ZNF282: variants seen among roughly 807,000 people sequenced by gnomAD.
The protein encoded by ZNF282 is HTLV-I U5 repressive element-binding protein 1.
ZNF282 carries 30 observed loss-of-function variants against 61.9 expected under a neutral mutation model. The observed-to-expected ratio is 0.48, with a 90% confidence interval of 0.36 to 0.66. The LOEUF is 0.66. Among genes scored for constraint, ZNF282 ranks in the 30% least tolerant of loss-of-function variants. ZNF282 has a pLI of 0.00. For missense variants in ZNF282, 788 were observed against 941.4 expected, an observed-to-expected ratio of 0.84 and a Z score of 2.13; for synonymous variants, 396 against 405.0, an observed-to-expected ratio of 0.98 and a Z score of 0.27.
At chr7:149,196,577 C>T (rs1795820963) in intron 1 of ZNF282, among the ~76,000 whole-genome samples, 1 of 152,138 alleles carries the variant, frequency 6.6e-6, no homozygotes, top group African/African-American at 2.4e-5. Flanking sequence ...CTCAGGGGCC[C>T]CTCTGCTCAC....
chr7:149,201,725 C>T (rs1339964152), intron 2 of ZNF282, among the ~76,000 whole-genome samples: 2 of 152,074 alleles, frequency 1.3e-5, no homozygotes, highest in African/African-American at 2.4e-5. Context: ...GCACTCCAGC[C>T]TGGGTGACAG....
chr7:149,202,797 G>A lies in ZNF282; in HGVS notation c.586-3899G>A, dbSNP rs60228721. Among the ~76,000 whole-genome samples, 1,506 of 152,190 alleles carry A rather than the reference G, an allele frequency of 9.9e-3. 25 individuals carry two copies. Among genetic ancestry groups the A allele is most frequent in the African/African-American group, 0.035 (1,442 of 41,522 alleles). On this transcript the variant is annotated intron_variant, in intron 2 of 7. Coordinates refer to ENST00000610704, the MANE Select transcript of ZNF282 (RefSeq NM_003575.4). Reference sequence around the variant, plus strand: ...TTGTATTGCTTTTTTTGTCTTCTTGGTTGGTTTTCCCCAACCAGAGTGTAA... The same window carrying A: ...TTGTATTGCTTTTTTTGTCTTCTTGATTGGTTTTCCCCAACCAGAGTGTAA...
intron 7 of ZNF282, among the ~76,000 whole-genome samples, chr7:149,216,708 A>G (rs1395725912): frequency 6.6e-6 from 1 of 152,120 alleles, no homozygotes; most frequent in Non-Finnish European, 1.5e-5. Context: ...TGGAGGGGAG[A>G]AGAGTCAGGG....
chr7:149,222,705 T>C (rs903373059), intron 7 of ZNF282, among the ~76,000 whole-genome samples: 1 of 152,204 alleles, frequency 6.6e-6, no homozygotes, highest in Admixed American at 6.5e-5. Context: ...TGGAGTGCAG[T>C]GGCAGGATCT....
In ZNF282 at chr7:149,213,810, C is replaced by T; in HGVS notation, c.1176C>T (p.Gly392=). The T allele has an allele frequency of 6.2e-7, 1 of 1,612,218 alleles. No homozygotes were observed. Among genetic ancestry groups the T allele is most frequent in the South Asian group, 1.1e-5 (1 of 90,976 alleles). Residue 392 remains glycine (G), a synonymous_variant, in exon 7 of 8, where the codon GGC becomes GGT. Transcript: ENST00000610704. ...ACGGAGAGCTTGGATTAGACTCTGG[C>T]CCTAGTGAGTAACGTCCCCACCTAG... ...SMDGELGLDS[G]PSDSLLMVKN...
chr7:149,207,556 A>G (rs570850447), intron 4 of ZNF282, 86 bp downstream of exon 4: 1 of 1,522,810 alleles, frequency 6.6e-7, no homozygotes, highest in South Asian at 1.3e-5. Context: ...GCGAGGCGCC[A>G]CTGTGTGTGC....
intron 2 of ZNF282, among the ~76,000 whole-genome samples, chr7:149,200,726 G>A (rs969031369): frequency 6.6e-6 from 1 of 152,040 alleles, no homozygotes; most frequent in African/African-American, 2.4e-5. Flanking sequence ...TGCCCTAGTA[G>A]GTGGGATTAC....
intron 3 of ZNF282, among the ~76,000 whole-genome samples, 170 bp from the exon 4 acceptor site, chr7:149,207,181 G>C (rs761234941): frequency 7.0e-4 from 106 of 152,128 alleles, no homozygotes; most frequent in Non-Finnish European, 1.1e-3. Context: ...TAGAAATTTG[G>C]GCATCTATCG....
In ZNF282 at chr7:149,198,188, G is replaced by A; in HGVS notation, c.166-145G>A. On this transcript the variant is annotated intron_variant, in intron 1 of 7. Transcript: ENST00000610704. The surrounding 1 kb of genome is among the most constrained non-coding windows in gnomAD (Gnocchi z 4.3). Reference sequence around the variant, plus strand: ...TGGGTGAGTGGGTAGCTGTTGCTGGGGGTGTTAGTGTATCCTGAGTTACGG... The same window carrying A: ...TGGGTGAGTGGGTAGCTGTTGCTGGAGGTGTTAGTGTATCCTGAGTTACGG... 1 of 887,964 alleles carries A rather than the reference G, an allele frequency of 1.1e-6. No homozygotes were observed. The allele number at this position is 887,964 out of a possible 1,614,324, so 55.0% of individuals were successfully genotyped here.
Position 149,223,738 on chromosome 7 carries a change from G to A in ZNF282, c.1181-74G>A, listed in dbSNP as rs111843065. On this transcript the variant is annotated intron_variant, in intron 7 of 7. Coordinates refer to ENST00000610704, the MANE Select transcript of ZNF282 (RefSeq NM_003575.4). ...GAGGCTCAGATAGCATGCTCCCTGG[G>A]CCCCCCTTCGGGAGCAGTGTGGGGT... is the stretch of plus-strand genomic sequence containing the variant. 114 of 1,374,390 alleles carry A rather than the reference G, an allele frequency of 8.3e-5. No homozygotes were observed. In the African/African-American group the frequency reaches 1.5e-3, roughly 18 times the overall value. The allele number at this position is 1,374,390 out of a possible 1,614,324, so 85.1% of individuals were successfully genotyped here.
At chr7:149,199,977 A>G (rs1016287151) in intron 2 of ZNF282, among the ~76,000 whole-genome samples, 8 of 152,116 alleles carry the variant, frequency 5.3e-5, no homozygotes, top group Non-Finnish European at 8.8e-5. Flanking sequence ...CAGTGATTAG[A>G]TTTTCAGTTG....
At chr7:149,212,938 A>G (rs1296839320) in intron 6 of ZNF282, among the ~76,000 whole-genome samples, 2 of 152,224 alleles carry the variant, frequency 1.3e-5, no homozygotes, top group Non-Finnish European at 1.5e-5. Context: ...AAAGCTGCAT[A>G]TATTTCTGTG....
chr7:149,210,926 C>T (rs1477610761), intron 5 of ZNF282, among the ~76,000 whole-genome samples: 2 of 152,206 alleles, frequency 1.3e-5, no homozygotes, highest in African/African-American at 4.8e-5. Context: ...CTGGGCTCAG[C>T]GTGTTCTGTT....
intron 2 of ZNF282, among the ~76,000 whole-genome samples, chr7:149,205,294 C>T (rs1044757471): frequency 2.6e-5 from 4 of 151,750 alleles, no homozygotes; most frequent in South Asian, 2.1e-4. Context: ...AAAAATTAGC[C>T]GGGCGTGGTG....
intron 2 of ZNF282, among the ~76,000 whole-genome samples, chr7:149,206,141 C>T (rs762647542): frequency 7.2e-5 from 11 of 152,268 alleles, no homozygotes; most frequent in East Asian, 5.8e-4. Flanking sequence ...GCACTCGCTG[C>T]GCAGCACACT....
intron 3 of ZNF282, 113 bp from the exon 4 acceptor site, chr7:149,207,238 A>T (rs1563176913): frequency 7.3e-7 from 1 of 1,376,712 alleles, no homozygotes; most frequent in East Asian, 2.5e-5. Flanking sequence ...GCTGCCAAAG[A>T]GGGACACCCA....
chr7:149,198,834 T>G lies in ZNF282; in HGVS notation c.585+82T>G. 3 of 1,505,196 alleles carry G rather than the reference T, an allele frequency of 2.0e-6. No individual in the cohort carries two copies. The highest frequency in any genetic ancestry group is 2.7e-6 in the Non-Finnish European group (3 of 1,130,834). 93.2% of individuals were successfully genotyped at this position (1,505,196 alleles called of 1,614,324 possible). A position where few individuals can be genotyped will look rare whatever the true frequency, so the allele number is the denominator to read the frequency against. ...ATTCTTGATTTCATTTTGTCAGCCCTTCTCATAAACTTCTCTGGCTCCCCG... is the reference window on the plus strand; with the variant it reads ...ATTCTTGATTTCATTTTGTCAGCCCGTCTCATAAACTTCTCTGGCTCCCCG... On this transcript the variant is annotated intron_variant, in intron 2 of 7. Coordinates refer to ENST00000610704, the MANE Select transcript of ZNF282 (RefSeq NM_003575.4). This position sits in a 1 kb window ranked among gnomAD's most constrained non-coding sequence, Gnocchi z 4.3.
At chr7:149,195,872 GC>G in intron 1 of ZNF282, 118 bp downstream of exon 1, 1 of 962,088 alleles carries the variant, frequency 1.0e-6, no homozygotes, top group Non-Finnish European at 1.3e-6. Flanking sequence ...CAGCTTCCGC[GC>G]CCAGGCGAGG....
rs1467777606 is a variant in ZNF282 at position 149,224,183 on chromosome 7, T to C, written c.1552T>C (p.Tyr518His). The change falls in exon 8 of 8, where the codon TAC becomes CAC. Residue 518 changes from tyrosine to histidine, a missense_variant. By Grantham distance (83) the Tyr-to-His change is moderately conservative. Around this residue, in one of 3 missense-constraint regions of ZNF282, gnomAD observed 559 missense variants for 642.0 expected, o/e 0.87. Transcript: ENST00000610704. ...LLLHGARSKP[Y>H]SCPECGKSFG... ...CCTGCACGGCGCCCGCAGCAAGCCCTACTCGTGCCCCGAGTGCGGCAAGAG... is the reference window on the plus strand; with the variant it reads ...CCTGCACGGCGCCCGCAGCAAGCCCCACTCGTGCCCCGAGTGCGGCAAGAG... The C allele has an allele frequency of 1.2e-6, 2 of 1,602,170 alleles. No individual in the cohort carries two copies. Among genetic ancestry groups the C allele is most frequent in the Non-Finnish European group, 1.7e-6 (2 of 1,178,950 alleles).
Sources: gnomAD v4.1 joint callset for allele counts (sites outside exome capture counted in the v4.1 genomes callset) on GRCh38, gnomAD v4.1.1 for gene constraint, gnomAD v4.1.1 regional missense constraint, Gnocchi (gnomAD v3.1) non-coding constraint, MANE v1.5 for transcripts, NCBI Gene and HGNC (gene_info 2026-07-23, HGNC 2026-07-21) for gene names.